C1QTNF3: variants seen among roughly 807,000 people sequenced by gnomAD.
C1QTNF3 encodes complement C1q tumor necrosis factor-related protein 3.
In C1QTNF3, 26 loss-of-function variants were observed where a neutral mutation model predicts 32.6. The observed-to-expected ratio is 0.80, with a 90% CI of 0.58 to 1.11. The LOEUF is 1.11. Ranked by LOEUF, C1QTNF3 falls within the 50% of genes least tolerant of loss-of-function variation. C1QTNF3 has a pLI of 0.00. For missense variants in C1QTNF3, 362 were observed against 398.2 expected (o/e 0.91, Z 0.77); for synonymous variants, 155 against 146.0 (o/e 1.06, Z -0.44).
At chr5:34,126,999 T>A in the C1QTNF3 span, among the ~76,000 whole-genome samples, 2 of 152,212 alleles carry the variant, frequency 1.3e-5, no homozygotes, top group African/African-American at 4.8e-5. Flanking sequence ...TCCCGTTTTG[T>A]GCTCTCTCCT....
the C1QTNF3 span, among the ~76,000 whole-genome samples, chr5:34,056,418 GTA>G: frequency 9.7e-4 from 36 of 37,256 alleles, 1 homozygote; most frequent in African/African-American, 2.0e-3. Flanking sequence ...ATATGTATAT[GTA>G]TGTGTGTGTG....
At chr5:34,091,182 C>T in the C1QTNF3 span, among the ~76,000 whole-genome samples, 4 of 152,136 alleles carry the variant, frequency 2.6e-5, no homozygotes, top group Non-Finnish European at 4.4e-5. Context: ...GCACATTGAG[C>T]GTTACAAGCA....
At chr5:34,168,347 C>A in the C1QTNF3 span, 2 of 150,678 alleles carry the variant, frequency 1.3e-5, no homozygotes, top group Non-Finnish European at 3.0e-5. Context: ...GTAGTGAAGG[C>A]AAAGTTCTGA....
At chr5:34,202,725 T>C in the C1QTNF3 span, among the ~76,000 whole-genome samples, 1 of 152,214 alleles carries the variant, frequency 6.6e-6, no homozygotes, top group Non-Finnish European at 1.5e-5. Context: ...TAGCACAGCA[T>C]TTTGTACTCA....
the C1QTNF3 span, among the ~76,000 whole-genome samples, chr5:34,203,723 G>C: frequency 6.6e-6 from 1 of 150,528 alleles, no homozygotes; most frequent in African/African-American, 2.4e-5. Flanking sequence ...TTGATGGAAC[G>C]AACTAAAAAA....
the C1QTNF3 span, among the ~76,000 whole-genome samples, chr5:34,235,784 A>G: frequency 2.0e-5 from 3 of 152,192 alleles, no homozygotes; most frequent in East Asian, 5.8e-4. Context: ...AATTTAGTGG[A>G]TATGTTTTAG....
the C1QTNF3 span, among the ~76,000 whole-genome samples, chr5:34,205,322 T>C: frequency 6.6e-6 from 1 of 152,196 alleles, no homozygotes; most frequent in Non-Finnish European, 1.5e-5. Context: ...TTTAGCTTAA[T>C]AGAGACATAG....
chr5:34,047,184 C>T (rs1213489455), upstream of C1QTNF3, among the ~76,000 whole-genome samples: 3 of 152,236 alleles, frequency 2.0e-5, no homozygotes, highest in African/African-American at 7.2e-5. Flanking sequence ...ACAAAAGACA[C>T]CTGAGGACAT....
the C1QTNF3 span, among the ~76,000 whole-genome samples, chr5:34,238,854 A>T: frequency 6.6e-6 from 1 of 152,118 alleles, no homozygotes; most frequent in Non-Finnish European, 1.5e-5. Context: ...CACCAAAGTA[A>T]ATACAAAAGA....
the C1QTNF3 span, among the ~76,000 whole-genome samples, chr5:34,095,090 AGG>A: frequency 1.3e-5 from 2 of 152,174 alleles, no homozygotes; most frequent in South Asian, 4.1e-4. Flanking sequence ...ATAGTAGAAT[AGG>A]GTGACTATAG....
chr5:34,025,089 G>A (rs1268683309), intron 4 of C1QTNF3, among the ~76,000 whole-genome samples: 1 of 152,140 alleles, frequency 6.6e-6, no homozygotes, highest in African/African-American at 2.4e-5. Context: ...TCTAGTGCCA[G>A]GAATGCATAT....
At chr5:34,130,096 C>A in the C1QTNF3 span, among the ~76,000 whole-genome samples, 2 of 151,800 alleles carry the variant, frequency 1.3e-5, no homozygotes. Context: ...TGTTTGTCTT[C>A]ATTTGTCTTT....
the C1QTNF3 span, among the ~76,000 whole-genome samples, chr5:34,084,334 GTT>G: frequency 6.6e-6 from 1 of 151,762 alleles, no homozygotes; most frequent in African/African-American, 2.4e-5. Context: ...AATTAGGAAA[GTT>G]TGTATATTGA....
the C1QTNF3 span, among the ~76,000 whole-genome samples, chr5:34,072,391 A>AAGAAAG: frequency 3.3e-5 from 5 of 151,586 alleles, no homozygotes; most frequent in East Asian, 9.7e-4. Context: ...GAAAGAAAGA[A>AAGAAAG]AGAAAGAAAG....
intron 5 of C1QTNF3, among the ~76,000 whole-genome samples, chr5:34,022,831 T>G (rs532714527): frequency 3.3e-5 from 5 of 152,104 alleles, no homozygotes; most frequent in East Asian, 1.9e-4. Context: ...AAGTCAGTTT[T>G]TTTGTTTGTT....
At chr5:34,218,923 CTATTT>C in the C1QTNF3 span, among the ~76,000 whole-genome samples, 27 of 152,112 alleles carry the variant, frequency 1.8e-4, no homozygotes, top group African/African-American at 6.0e-4. Context: ...ACTGATGATT[CTATTT>C]TATTATGTGT....
At chr5:34,171,777 GA>G in the C1QTNF3 span, among the ~76,000 whole-genome samples, 1 of 152,128 alleles carries the variant, frequency 6.6e-6, no homozygotes, top group African/African-American at 2.4e-5. Context: ...TATAGTATGA[GA>G]AAAACTAAAG....
the C1QTNF3 span, among the ~76,000 whole-genome samples, chr5:34,197,677 C>T: frequency 5.0e-3 from 762 of 152,026 alleles, 7 homozygotes; most frequent in African/African-American, 0.018. Flanking sequence ...TGTTGTTGAC[C>T]CAGGCAGCAT....
Position 34,043,079 on chromosome 5 carries a change from A to C in C1QTNF3, c.47T>G (p.Phe16Cys). ...ATCTTGACACAGGCAAAAAGGGAGG[A>C]AAAACAAAGCCAGCAGTTGCCAATA... is the stretch of plus-strand genomic sequence containing the variant. ...LIYWQLLALF[F>C]LPFCLCQDEY... The change falls in exon 1 of 6, where the codon TTC becomes TGC. Residue 16 changes from phenylalanine to cysteine, a missense_variant. Phe to Cys is a radical substitution (Grantham distance 205). Transcript: ENST00000382065. 1 of 1,613,888 alleles carries C rather than the reference A, an allele frequency of 6.2e-7. No homozygotes were observed. Among genetic ancestry groups the C allele is most frequent in the South Asian group, 1.1e-5 (1 of 91,070 alleles).
Sources: gnomAD v4.1 joint callset for allele counts (sites outside exome capture counted in the v4.1 genomes callset) on GRCh38, gnomAD v4.1.1 for gene constraint, MANE v1.5 for transcripts, NCBI Gene and HGNC (gene_info 2026-07-23, HGNC 2026-07-21) for gene names.